The following LRP1B variants were observed in gnomAD, a reference collection of about 807,000 sequenced individuals.
LRP1B encodes low-density lipoprotein receptor-related protein 1B.
LRP1B carries 217 observed loss-of-function variants against 556.6 expected under a neutral mutation model. The ratio of observed to expected loss-of-function variants is 0.39; its 90% CI spans 0.35 to 0.44. The LOEUF is 0.44. Among genes scored for constraint, LRP1B ranks in the 20% least tolerant of loss-of-function variants. LRP1B has a pLI of 1.00. For synonymous variants in LRP1B, 2,047 were observed against 1,865.8 expected (o/e 1.10, Z -2.50); for missense variants, 5,053 against 5,620.8 (o/e 0.90, Z 3.23).
rs1363347306 is a variant in LRP1B at position 141,058,991 on chromosome 2, A to G, written c.1300T>C (p.Tyr434His). The change falls in exon 9 of 91, where the codon TAC (tyrosine) becomes CAC (histidine). Residue 434 changes from tyrosine to histidine, a missense_variant. Coordinates refer to ENST00000389484, the MANE Select transcript of LRP1B (RefSeq NM_018557.3). ...DYLYATNSDNYNIVRINRFNG... is the reference protein window; with the variant it reads ...DYLYATNSDNHNIVRINRFNG... ...AATCGGTTTATCCTTACGATATTGTAGTTATCAGAATTGGTTGCATACAAA... is the reference window on the plus strand; with the variant it reads ...AATCGGTTTATCCTTACGATATTGTGGTTATCAGAATTGGTTGCATACAAA... The G allele has an allele frequency of 6.3e-7, 1 of 1,594,454 alleles. No individual in the cohort carries two copies. Among genetic ancestry groups the G allele is most frequent in the East Asian group, 2.3e-5 (1 of 44,260 alleles).
intron 1 of LRP1B, among the ~76,000 whole-genome samples, chr2:141,859,316 T>C (rs1698166282): frequency 6.6e-6 from 1 of 152,172 alleles, no homozygotes; most frequent in South Asian, 2.1e-4. Context: ...TCCCTTTGTC[T>C]TTGCATCTCG....
chr2:140,434,926 TA>T (rs930307875), intron 66 of LRP1B, among the ~76,000 whole-genome samples: 3 of 152,180 alleles, frequency 2.0e-5, no homozygotes, highest in African/African-American at 7.2e-5. Context: ...TTTTAAGGGG[TA>T]AAAAAATATA....
At chr2:140,291,318 A>ATATATATTTTTTTTTTT (rs369391920) in intron 84 of LRP1B, among the ~76,000 whole-genome samples, 2 of 109,332 alleles carry the variant, frequency 1.8e-5, no homozygotes, top group Admixed American at 2.1e-4. Context: ...ATATATATAT[A>ATATATATTTTTTTTTTT]TTTTTATTAT....
At chr2:140,702,580 G>A (rs2105431155) in intron 37 of LRP1B, 27 bp from the exon 38 acceptor site, 1 of 1,608,294 alleles carries the variant, frequency 6.2e-7, no homozygotes, top group East Asian at 2.2e-5. Flanking sequence ...AATTTGTAGT[G>A]TTTATGTACA....
At chr2:140,748,947 C>T (rs1688475351) in intron 35 of LRP1B, among the ~76,000 whole-genome samples, 1 of 148,838 alleles carries the variant, frequency 6.7e-6, no homozygotes, top group South Asian at 2.1e-4. Flanking sequence ...ATAAAATATA[C>T]TTACACAAGC....
At chr2:141,284,835 G>A (rs756572217) in intron 3 of LRP1B, among the ~76,000 whole-genome samples, 1 of 152,118 alleles carries the variant, frequency 6.6e-6, no homozygotes, top group Non-Finnish European at 1.5e-5. Context: ...CCTTGTGCCA[G>A]TACCACACTT....
chr2:141,005,541 C>T, intron 14 of LRP1B, 84 bp from the exon 15 acceptor site: 1 of 1,175,722 alleles, frequency 8.5e-7, no homozygotes, highest in Admixed American at 2.0e-5. Flanking sequence ...ATTACATACA[C>T]TTATATATGC....
intron 7 of LRP1B, among the ~76,000 whole-genome samples, chr2:141,162,628 C>T (rs561546115): frequency 2.0e-4 from 31 of 152,152 alleles, no homozygotes; most frequent in Admixed American, 1.0e-3. Context: ...TCCAAGTTTT[C>T]CCAGTGTTTG....
At chr2:141,636,550 A>G (rs1186615194) in intron 2 of LRP1B, among the ~76,000 whole-genome samples, 1 of 152,166 alleles carries the variant, frequency 6.6e-6, no homozygotes, top group Non-Finnish European at 1.5e-5. Flanking sequence ...AGAATTATGT[A>G]ATTTTTTTGG....
chr2:140,347,058 T>C (rs1486012224), intron 77 of LRP1B, among the ~76,000 whole-genome samples: 1 of 151,916 alleles, frequency 6.6e-6, no homozygotes, highest in Non-Finnish European at 1.5e-5. Flanking sequence ...AATCTGTACT[T>C]TTAAAGTTAT....
intron 27 of LRP1B, among the ~76,000 whole-genome samples, chr2:140,859,357 A>G (rs1692717448): frequency 6.6e-6 from 1 of 152,124 alleles, no homozygotes; most frequent in African/African-American, 2.4e-5. Context: ...TTTGTCCTCT[A>G]AGGAGTGAAT....
intron 12 of LRP1B, among the ~76,000 whole-genome samples, chr2:141,019,099 T>C (rs192112577): frequency 1.2e-3 from 190 of 152,216 alleles, no homozygotes; most frequent in African/African-American, 4.4e-3. Flanking sequence ...ATTTTTAAGT[T>C]ATAAAATACT....
chr2:141,417,086 T>C (rs1481466050), intron 3 of LRP1B, among the ~76,000 whole-genome samples: 4 of 152,224 alleles, frequency 2.6e-5, no homozygotes, highest in South Asian at 4.1e-4. Flanking sequence ...TGATATATTG[T>C]TTCCTATCTT....
At chr2:140,390,819 A>G (rs532561022) in intron 66 of LRP1B, among the ~76,000 whole-genome samples, 1 of 151,500 alleles carries the variant, frequency 6.6e-6, no homozygotes, top group South Asian at 2.1e-4. Flanking sequence ...ATATTTGAGT[A>G]GCAAATTAAG....
rs1455215753 is a variant in LRP1B at position 141,364,314 on chromosome 2, A to C, written c.344-109673T>G. 4.5e-3 allele frequency among the ~76,000 whole-genome samples: 668 copies of C among 147,348 alleles called. 7 individuals are homozygous for C. The highest frequency in any genetic ancestry group is 0.017 in the African/African-American group (647 of 38,950). On this transcript the variant is annotated intron_variant, in intron 3 of 90. Transcript: ENST00000389484. ...ACACACGCAAACACACACACAGTTGAATGATTAAATCACATACACAGTGGA... is the reference window on the plus strand; with the variant it reads ...ACACACGCAAACACACACACAGTTGCATGATTAAATCACATACACAGTGGA...
intron 11 of LRP1B, among the ~76,000 whole-genome samples, chr2:141,029,341 T>C (rs1001864098): frequency 2.0e-5 from 3 of 152,114 alleles, no homozygotes; most frequent in Non-Finnish European, 4.4e-5. Context: ...CAAGGGTTTA[T>C]TTATGGGTAT....
At position 141,148,947 on chromosome 2, in the gene LRP1B, A is replaced by G. The variant is rs943253886; in HGVS notation, c.1013+39474T>C. 6.6e-5 allele frequency among the ~76,000 whole-genome samples: 10 copies of G among 152,158 alleles called. No individual in the cohort carries two copies. In the South Asian group the frequency reaches 8.3e-4, roughly 13 times the overall value. ...AAAAATACAAAAAAGTTAGCTGGGC[A>G]TGGTGGTGGCACATGCCTGTACTCC... On this transcript the variant is annotated intron_variant, in intron 7 of 90. Coordinates refer to ENST00000389484, the MANE Select transcript of LRP1B (RefSeq NM_018557.3).
At chr2:141,474,049 C>CTTCCT (rs1559091655) in intron 3 of LRP1B, among the ~76,000 whole-genome samples, 3 of 42,444 alleles carry the variant, frequency 7.1e-5, no homozygotes, top group African/African-American at 2.5e-4. Flanking sequence ...CCTTCCTTTC[C>CTTCCT]TTCCTTCCTC....
intron 63 of LRP1B, among the ~76,000 whole-genome samples, chr2:140,447,551 T>C (rs1228037673): frequency 6.6e-6 from 1 of 152,142 alleles, no homozygotes; most frequent in Non-Finnish European, 1.5e-5. Flanking sequence ...TAAGGAACTG[T>C]TGTGGATGGC....
Sources: allele counts gnomAD v4.1 joint callset (sites outside exome capture counted in the v4.1 genomes callset), GRCh38; gene constraint gnomAD v4.1.1; transcripts MANE v1.5; gene names NCBI Gene and HGNC (gene_info 2026-07-23, HGNC 2026-07-21).